Variants in MMP27 observed in about 807,000 individuals in gnomAD.
The protein encoded by MMP27 is matrix metalloproteinase-27.
A neutral mutation model predicts 48.1 loss-of-function variants in MMP27; 51 were observed. That is an observed-to-expected ratio of 1.06 (90% CI 0.85 to 1.34). MMP27 has a LOEUF of 1.34. Ranked by LOEUF, MMP27 falls within the 40% of genes most tolerant of loss-of-function variation. MMP27 has a pLI of 0.00. For synonymous variants in MMP27, 229 were observed against 208.9 expected (o/e 1.10, Z -0.83); for missense variants, 698 against 619.3 (o/e 1.13, Z -1.35).
intron 4 of MMP27, among the ~76,000 whole-genome samples, chr11:102,698,042 G>C (rs2134268369): frequency 6.6e-6 from 1 of 152,256 alleles, no homozygotes; most frequent in African/African-American, 2.4e-5. Context: ...CCTGCCTGAG[G>C]CTGTTTTACA....
At chr11:102,704,830 T>C in intron 1 of MMP27, 55 bp from the exon 2 acceptor site, 1 of 1,228,682 alleles carries the variant, frequency 8.1e-7, no homozygotes, top group Non-Finnish European at 1.1e-6. Flanking sequence ...GGAGAGCAAA[T>C]CTCCATCTCA....
chr11:102,694,064 A>G lies in MMP27; in HGVS notation c.1035T>C (p.Asp345=). ...NPRDKILVFK[D]ENFWMIRGYA... ...ATCCTCTGATCATCCAGAAGTTTTC[A>G]TCTAGGAAGAGAGGAGTGATTATTT... The change falls in exon 8 of 10, where the codon GAT becomes GAC. Residue 345 remains aspartate, a splice_region_variant and synonymous_variant. Coordinates refer to ENST00000260229, the MANE Select transcript of MMP27 (RefSeq NM_022122.3). 1 of 1,568,732 alleles carries G rather than the reference A, an allele frequency of 6.4e-7. No homozygotes were observed. The highest frequency in any genetic ancestry group is 2.3e-5 in the East Asian group (1 of 42,694).
At chr11:102,701,294 C>T (rs1052470871) in intron 4 of MMP27, among the ~76,000 whole-genome samples, 2 of 108,434 alleles carry the variant, frequency 1.8e-5, no homozygotes, top group African/African-American at 3.6e-5. Context: ...CCAGATACAT[C>T]GGACTTAAAA....
Position 102,696,502 on chromosome 11 carries a change from A to G in MMP27, c.782-11T>C. Reference sequence around the variant, plus strand: ...CCTTAGGCAGACCTCCTTTGATGAGAAAAAAAATACCACAATGAATTAAGA... The same window carrying G: ...CCTTAGGCAGACCTCCTTTGATGAGGAAAAAAATACCACAATGAATTAAGA... On this transcript the variant is annotated splice_polypyrimidine_tract_variant and intron_variant, in intron 5 of 9. Coordinates refer to ENST00000260229, the MANE Select transcript of MMP27 (RefSeq NM_022122.3). 6.3e-7 allele frequency: 1 copy of G among 1,595,452 alleles called. No individual in the cohort carries two copies. The highest frequency in any genetic ancestry group is 8.6e-7 in the Non-Finnish European group (1 of 1,167,860).
intron 4 of MMP27, among the ~76,000 whole-genome samples, chr11:102,698,005 CCTT>C (rs2134268313): frequency 6.6e-6 from 1 of 152,282 alleles, no homozygotes; most frequent in African/African-American, 2.4e-5. Context: ...GATAACGATG[CCTT>C]CTTCTGGAAT....
Position 102,691,675 on chromosome 11 carries a change from C to T in MMP27, c.*91G>A, listed in dbSNP as rs1860725087. 8.6e-7 allele frequency: 1 copy of T among 1,166,010 alleles called. No individual in the cohort carries two copies. Among genetic ancestry groups the T allele is most frequent in the Non-Finnish European group, 1.2e-6 (1 of 850,250 alleles). The allele number at this position is 1,166,010 out of a possible 1,614,324, so 72.2% of individuals were successfully genotyped here. A position where few individuals can be genotyped will look rare whatever the true frequency, so the allele number is the denominator to read the frequency against. On this transcript the variant is annotated 3_prime_UTR_variant, in exon 10 of 10. Transcript: ENST00000260229. ...GAATTTGGATATTTAGAACTAGGAC[C>T]AGCAACTTGTTGTTAAAGAATGGTT... is the stretch of plus-strand genomic sequence containing the variant.
chr11:102,703,221 T>C, intron 2 of MMP27, 103 bp from the exon 3 acceptor site: 2 of 1,091,242 alleles, frequency 1.8e-6, no homozygotes, highest in Non-Finnish European at 2.6e-6. Context: ...TGTGCTGCAG[T>C]AACTTTGGTG....
At chr11:102,694,288 T>C (rs899704479) in intron 7 of MMP27, among the ~76,000 whole-genome samples, 7 of 152,220 alleles carry the variant, frequency 4.6e-5, no homozygotes, top group African/African-American at 1.7e-4. Context: ...CCTTTGTCAA[T>C]TGGTTTCATT....
chr11:102,696,679 A>G lies in MMP27; in HGVS notation c.776T>C (p.Ile259Thr). Residue 259 changes from isoleucine (I) to threonine (T), a missense_variant, in exon 5 of 10, where the codon ATC becomes ACC. Transcript: ENST00000260229. ...AGATTTATAATTTTGCTCACCATAG[A>G]TGGACTGGATTCCATTGATATCATC... ...SQDDINGIQS[I>T]YGGLPKEPAK... 1 of 1,610,946 alleles carries G rather than the reference A, an allele frequency of 6.2e-7. No homozygotes were observed. The highest frequency in any genetic ancestry group is 8.5e-7 in the Non-Finnish European group (1 of 1,179,128).
chr11:102,697,637 G>A (rs1860856256), intron 4 of MMP27, among the ~76,000 whole-genome samples: 2 of 151,890 alleles, frequency 1.3e-5, no homozygotes, highest in South Asian at 4.2e-4. Context: ...GTGCAGCTGG[G>A]ACTACAGGTG....
In MMP27 at chr11:102,695,074, T is replaced by C; in HGVS notation, c.926A>G (p.Asp309Gly). Residue 309 changes from aspartate (D) to glycine (G), a missense_variant, in exon 7 of 10, where the codon GAT (aspartate) becomes GGT (glycine). By Grantham distance (94) the Asp-to-Gly change is moderately conservative (BLOSUM62 -1). Transcript: ENST00000260229. ...TAATTCAAACTCAACATCCGTGATA[T>C]CATAATAGATCCTCCATAGGTGCCT... The part of the protein sequence containing the change: ...KGRHLWRIYY[D>G]ITDVEFELIA... 1 of 1,613,922 alleles carries C rather than the reference T, an allele frequency of 6.2e-7. No individual in the cohort carries two copies. Among genetic ancestry groups the C allele is most frequent in the South Asian group, 1.1e-5 (1 of 91,056 alleles).
chr11:102,693,758 C>G (rs1006629976), intron 8 of MMP27, 148 bp downstream of exon 8: 58 of 604,982 alleles, frequency 9.6e-5, no homozygotes, highest in Non-Finnish European at 1.4e-4. Flanking sequence ...ACACTCTAGC[C>G]TGGGAGACAG....
intron 4 of MMP27, 52 bp from the exon 5 acceptor site, chr11:102,696,887 G>A (rs1860842090): frequency 6.4e-7 from 1 of 1,557,168 alleles, no homozygotes; most frequent in Non-Finnish European, 8.7e-7. Context: ...AAAAGAGAAT[G>A]GCTGCATCTG....
intron 7 of MMP27, 96 bp downstream of exon 7, chr11:102,694,871 G>T: frequency 1.4e-6 from 2 of 1,408,650 alleles, no homozygotes; most frequent in Non-Finnish European, 2.0e-6. Flanking sequence ...CCTGCGCCTT[G>T]GCTCATGCAT....
intron 6 of MMP27, among the ~76,000 whole-genome samples, chr11:102,695,540 G>A (rs756991949): frequency 2.6e-5 from 4 of 152,284 alleles, no homozygotes; most frequent in Non-Finnish European, 5.9e-5. Context: ...GTCTATGAAT[G>A]AGACGTGAAA....
chr11:102,696,132 A>G (rs1860821820), intron 6 of MMP27, among the ~76,000 whole-genome samples: 1 of 152,154 alleles, frequency 6.6e-6, no homozygotes, highest in Admixed American at 6.5e-5. Flanking sequence ...CTGAAAGTGG[A>G]CTCTATTTCC....
rs376132148 is a variant in MMP27, at chr11:102,695,027, G to A, written c.973C>T (p.Leu325=). ...TATGCAGCTTGCAGATCAGCTGGCA[G>A]AGATGGCCAGAATGAAGCAATTAAT... ...FELIASFWPS[L]PADLQAAYEN... is the part of the protein sequence containing the mutation. The change falls in exon 7 of 10, where the codon CTG becomes TTG. Residue 325 remains leucine (L), a synonymous_variant. Coordinates refer to ENST00000260229, the MANE Select transcript of MMP27 (RefSeq NM_022122.3). The A allele has an allele frequency of 1.8e-5, 29 of 1,614,026 alleles. No individual in the cohort carries two copies. In the African/African-American group the frequency reaches 3.2e-4, roughly 18 times the overall value.
intron 2 of MMP27, 63 bp from the exon 3 acceptor site, chr11:102,703,181 C>A: frequency 2.1e-6 from 3 of 1,456,944 alleles, no homozygotes; most frequent in Admixed American, 2.1e-5. Context: ...ACACACATAA[C>A]TACAAAAAAC....
chr11:102,701,381 T>C (rs866583867), intron 4 of MMP27, among the ~76,000 whole-genome samples: 1 of 152,162 alleles, frequency 6.6e-6, no homozygotes, highest in Non-Finnish European at 1.5e-5. Flanking sequence ...CTACTTAGCA[T>C]TGGATTTAAG....
Sources: allele counts gnomAD v4.1 joint callset (sites outside exome capture counted in the v4.1 genomes callset), GRCh38; gene constraint gnomAD v4.1.1; transcripts MANE v1.5; gene names NCBI Gene and HGNC (gene_info 2026-07-23, HGNC 2026-07-21).